Variants in SNX10 observed in about 807,000 individuals in gnomAD.
The protein encoded by SNX10 is sorting nexin 10.
A neutral mutation model predicts 28.5 loss-of-function variants in SNX10; 25 were observed. The observed-to-expected ratio is 0.88, with a 90% CI of 0.64 to 1.22. The LOEUF is 1.22. Ranked by LOEUF, SNX10 falls within the 50% of genes most tolerant of loss-of-function variation. The probability of loss-of-function intolerance (pLI) is 0.00; values close to 1 mark genes in which losing one functional copy is unlikely to be tolerated. For missense variants in SNX10, 223 were observed against 242.6 expected (o/e 0.92, Z 0.54); for synonymous variants, 62 against 81.4 (o/e 0.76, Z 1.28).
rs368289286 is a variant in SNX10 at position 26,308,559 on chromosome 7, G to A, written c.-24+16473G>A. On this transcript the variant is annotated intron_variant, in intron 1 of 6. Transcript: ENST00000338523. ...GGAGGGCTTCTGGAAGGCTGAACACGTGGAGGTTCCTGGGGGGTGGTGCAC... is the reference window on the plus strand; with the variant it reads ...GGAGGGCTTCTGGAAGGCTGAACACATGGAGGTTCCTGGGGGGTGGTGCAC... Among the ~76,000 whole-genome samples the A allele has an allele frequency of 6.3e-4, 96 of 152,338 alleles. 1 individual carries two copies. In the South Asian group the frequency reaches 0.011, roughly 18 times the overall value.
chr7:26,303,671 C>T (rs956097234), intron 1 of SNX10, among the ~76,000 whole-genome samples: 5 of 152,138 alleles, frequency 3.3e-5, no homozygotes, highest in African/African-American at 9.7e-5. Flanking sequence ...ATGTTTTCTC[C>T]CTAGATCTGT....
rs73683294 is a variant in SNX10, at chr7:26,351,420, C to T, written c.24+4954C>T. On this transcript the variant is annotated intron_variant, in intron 2 of 6. Transcript: ENST00000338523. ...AATAGGTAGCCTTCCTTCCAAAAAC[C>T]TATAACACCAATCTAATCATGAGAC... is the stretch of plus-strand genomic sequence containing the variant. Among the ~76,000 whole-genome samples the T allele has an allele frequency of 4.6e-3, 699 of 152,210 alleles. 4 individuals carry two copies. Among genetic ancestry groups the T allele is most frequent in the African/African-American group, 0.016 (669 of 41,528 alleles).
chr7:26,327,869 A>T (rs1357176385), intron 1 of SNX10, among the ~76,000 whole-genome samples: 1 of 150,518 alleles, frequency 6.6e-6, no homozygotes, highest in Non-Finnish European at 1.5e-5. Flanking sequence ...AGCTGGGACT[A>T]CAGGTGCCTG....
intron 3 of SNX10, 117 bp downstream of exon 3, chr7:26,361,178 T>C: frequency 9.9e-7 from 1 of 1,007,680 alleles, no homozygotes; most frequent in Non-Finnish European, 1.4e-6. Flanking sequence ...ATTTGAATGA[T>C]TACAACTAAT....
At chr7:26,328,087 C>T (rs1170422404) in intron 1 of SNX10, among the ~76,000 whole-genome samples, 1 of 152,038 alleles carries the variant, frequency 6.6e-6, no homozygotes, top group African/African-American at 2.4e-5. Flanking sequence ...GTATGTTGGG[C>T]CCTACCAATG....
intron 1 of SNX10, among the ~76,000 whole-genome samples, chr7:26,307,705 T>C (rs1374243840): frequency 1.3e-5 from 2 of 151,992 alleles, no homozygotes; most frequent in South Asian, 2.1e-4. Flanking sequence ...ATAGTCTTTA[T>C]TTTTTAGAGC....
At chr7:26,293,918 G>A (rs1223393107) in intron 1 of SNX10, among the ~76,000 whole-genome samples, 1 of 152,192 alleles carries the variant, frequency 6.6e-6, no homozygotes, top group Non-Finnish European at 1.5e-5. Context: ...CAGCAATTCT[G>A]CTGGGCTTTG....
intron 1 of SNX10, among the ~76,000 whole-genome samples, chr7:26,331,719 CTG>C (rs1787755959): frequency 6.6e-6 from 1 of 152,240 alleles, no homozygotes; most frequent in Non-Finnish European, 1.5e-5. Context: ...AGCAGCAACT[CTG>C]TACCTTTTGG....
At chr7:26,300,103 C>T (rs191434311) in intron 1 of SNX10, among the ~76,000 whole-genome samples, 346 of 151,724 alleles carry the variant, frequency 2.3e-3, no homozygotes, top group Middle Eastern at 6.8e-3. Context: ...CTCAGCCACT[C>T]GGGAGGCTGA....
At chr7:26,333,264 G>GT (rs1263527448) in intron 1 of SNX10, among the ~76,000 whole-genome samples, 2 of 149,754 alleles carry the variant, frequency 1.3e-5, no homozygotes, top group African/African-American at 4.9e-5. Flanking sequence ...ATGTTTTGTG[G>GT]TTTTCAGAGT....
chr7:26,358,805 G>GGTTTTTTTTTTTTTTT (rs1554360945), intron 2 of SNX10, among the ~76,000 whole-genome samples: 2 of 100,112 alleles, frequency 2.0e-5, no homozygotes, highest in African/African-American at 4.4e-5. Flanking sequence ...GTTATCTTGT[G>GGTTTTTTTTTTTTTTT]TTTTTTTTTT....
intron 5 of SNX10, among the ~76,000 whole-genome samples, chr7:26,371,262 T>A (rs1229500141): frequency 6.6e-6 from 1 of 152,158 alleles, no homozygotes; most frequent in Non-Finnish European, 1.5e-5. Context: ...TTTGGAGAAA[T>A]TTACAGTTAA....
intron 2 of SNX10, among the ~76,000 whole-genome samples, chr7:26,349,660 G>T (rs1788521806): frequency 6.6e-6 from 1 of 151,910 alleles, no homozygotes; most frequent in Non-Finnish European, 1.5e-5. Flanking sequence ...TAATTAGATG[G>T]ACCCAACTGA....
intron 1 of SNX10, among the ~76,000 whole-genome samples, chr7:26,298,251 G>A (rs1161655265): frequency 6.6e-6 from 1 of 152,106 alleles, no homozygotes; most frequent in Non-Finnish European, 1.5e-5. Flanking sequence ...AAGGAGTAAA[G>A]CAAATAGTTG....
intron 1 of SNX10, among the ~76,000 whole-genome samples, chr7:26,304,286 C>T (rs1786492499): frequency 6.6e-6 from 1 of 152,158 alleles, no homozygotes; most frequent in Non-Finnish European, 1.5e-5. Flanking sequence ...ATCTTCAGCC[C>T]ACTTCTGAGC....
intron 1 of SNX10, among the ~76,000 whole-genome samples, chr7:26,338,227 C>T (rs1287612650): frequency 6.6e-6 from 1 of 150,856 alleles, no homozygotes; most frequent in East Asian, 2.0e-4. Context: ...AGCAGCCCTA[C>T]AACACCAGCC....
At chr7:26,354,754 T>A (rs1456243108) in intron 2 of SNX10, among the ~76,000 whole-genome samples, 2 of 152,188 alleles carry the variant, frequency 1.3e-5, no homozygotes, top group Non-Finnish European at 2.9e-5. Context: ...CAAATATTTC[T>A]TCAATCTTTA....
chr7:26,323,266 A>C (rs1787374538), intron 1 of SNX10, among the ~76,000 whole-genome samples: 1 of 152,044 alleles, frequency 6.6e-6, no homozygotes, highest in African/African-American at 2.4e-5. Flanking sequence ...AAACAAAACA[A>C]AACAAAAATA....
intron 2 of SNX10, among the ~76,000 whole-genome samples, chr7:26,348,978 G>T (rs1788493619): frequency 6.6e-6 from 1 of 152,166 alleles, no homozygotes; most frequent in African/African-American, 2.4e-5. Flanking sequence ...AACTATAAAA[G>T]ATATTTTTAT....
Sources: allele counts gnomAD v4.1 joint callset (sites outside exome capture counted in the v4.1 genomes callset), GRCh38; gene constraint gnomAD v4.1.1; transcripts MANE v1.5; gene names NCBI Gene and HGNC (gene_info 2026-07-23, HGNC 2026-07-21).